ASIC2: variants seen among roughly 807,000 people sequenced by gnomAD.
ASIC2 encodes the protein acid sensing ion channel subunit 2, also known as acid-sensing ion channel 2.
ASIC2 carries 25 observed loss-of-function variants against 57.3 expected under a neutral mutation model. The observed-to-expected ratio is 0.44, with a 90% confidence interval of 0.32 to 0.61. The LOEUF (loss-of-function observed/expected upper bound fraction) is 0.61. Among genes scored for constraint, ASIC2 ranks in the 20% least tolerant of loss-of-function variants. The pLI is 0.06. For synonymous variants in ASIC2, 319 were observed against 307.5 expected, an observed-to-expected ratio of 1.04 and a Z score of -0.39; for missense variants, 641 against 738.1, an observed-to-expected ratio of 0.87 and a Z score of 1.52.
intron 1 of ASIC2, among the ~76,000 whole-genome samples, chr17:34,120,533 T>C (rs952625812): frequency 2.6e-5 from 4 of 151,500 alleles, no homozygotes; most frequent in African/African-American, 9.7e-5. Flanking sequence ...TTTCAGGGGG[T>C]AGGGGAGAAG....
rs561723072 is a variant in ASIC2 at position 33,760,564 on chromosome 17, G to A, written c.555+395414C>T. The stretch of plus-strand genomic sequence containing the variant: ...ATAGATTTATATATAAACAAACATA[G>A]CAAAATTATTTATGTGTATATAAAG... On this transcript the variant is annotated intron_variant, in intron 1 of 9. Coordinates refer to the ASIC2 transcript ENST00000359872. Among the ~76,000 whole-genome samples the A allele has an allele frequency of 9.9e-5, 15 of 151,278 alleles. 1 individual carries two copies. Among genetic ancestry groups the A allele is most frequent in the Admixed American group, 7.9e-4 (12 of 15,196 alleles).
intron 1 of ASIC2, among the ~76,000 whole-genome samples, chr17:33,782,871 TA>T (rs1911497482): frequency 6.6e-6 from 1 of 152,136 alleles, no homozygotes; most frequent in Non-Finnish European, 1.5e-5. Context: ...CCCCTGACCT[TA>T]TCTCCTCCTC....
Position 33,132,740 on chromosome 17 carries a change from G to A in ASIC2, c.709-20673C>T, listed in dbSNP as rs1265554014. On this transcript the variant is annotated intron_variant, in intron 1 of 9. Transcript: ENST00000225823. ...CTTTATGCAGGCATCTTGGTTCCAG[G>A]GCTGTCTCATGTCTGGCCCTTGGAG... Among the ~76,000 whole-genome samples, 3 of 152,150 alleles carry A rather than the reference G, an allele frequency of 2.0e-5. No individual in the cohort carries two copies. The East Asian group carries it at 5.8e-4, about 29-fold the overall frequency.
At chr17:33,260,013 T>C (rs1322044397) in intron 1 of ASIC2, among the ~76,000 whole-genome samples, 2 of 152,114 alleles carry the variant, frequency 1.3e-5, no homozygotes, top group Non-Finnish European at 2.9e-5. Flanking sequence ...TGGTGCACGC[T>C]GGCAGTCCCA....
rs1293383638 is a variant in ASIC2, at chr17:34,039,725, C to T, written c.555+116253G>A. On this transcript the variant is annotated intron_variant, in intron 1 of 9. Coordinates refer to the ASIC2 transcript ENST00000359872. Reference sequence around the variant, plus strand: ...TTCTGCTTTTTCTTGGGAGTCTCTACTTCTTTATCACTCAAGGATCCGACG... The same window carrying T: ...TTCTGCTTTTTCTTGGGAGTCTCTATTTCTTTATCACTCAAGGATCCGACG... 8.1e-6 allele frequency: 13 copies of T among 1,612,500 alleles called. No homozygotes were observed. In the East Asian group the frequency reaches 2.9e-4, roughly 36 times the overall value.
chr17:34,094,404 C>T (rs1036949839), intron 1 of ASIC2, among the ~76,000 whole-genome samples: 2 of 152,196 alleles, frequency 1.3e-5, no homozygotes, highest in Non-Finnish European at 2.9e-5. Context: ...GACCTCACAG[C>T]CAGACAGGCT....
intron 1 of ASIC2, among the ~76,000 whole-genome samples, chr17:33,771,871 G>A (rs945505658): frequency 6.6e-6 from 1 of 152,188 alleles, no homozygotes; most frequent in African/African-American, 2.4e-5. Context: ...CTGTTGGGAT[G>A]GAGATCACTT....
intron 1 of ASIC2, among the ~76,000 whole-genome samples, chr17:33,733,318 T>C (rs145444340): frequency 8.1e-4 from 124 of 152,344 alleles, no homozygotes; most frequent in African/African-American, 2.9e-3. Flanking sequence ...GGGTTCCTAA[T>C]GGTATCTGGT....
intron 1 of ASIC2, among the ~76,000 whole-genome samples, chr17:34,015,085 T>TTTTTA (rs1453003908): frequency 1.3e-5 from 2 of 150,780 alleles, no homozygotes; most frequent in African/African-American, 4.9e-5. Context: ...TTTTTTTTTT[T>TTTTTA]TTTTGTAGAT....
chr17:33,925,759 G>T (rs931685325), intron 1 of ASIC2, among the ~76,000 whole-genome samples: 5 of 152,106 alleles, frequency 3.3e-5, no homozygotes, highest in African/African-American at 1.2e-4. Context: ...ACTTGCCCTG[G>T]CCATTCTTGT....
intron 1 of ASIC2, among the ~76,000 whole-genome samples, chr17:34,034,378 A>G (rs755687630): frequency 8.5e-5 from 13 of 152,224 alleles, no homozygotes; most frequent in Non-Finnish European, 4.4e-5. Flanking sequence ...AATAAGAGCT[A>G]TCTATGACAA....
At chr17:34,097,288 T>C (rs1910580923) in intron 1 of ASIC2, among the ~76,000 whole-genome samples, 1 of 151,748 alleles carries the variant, frequency 6.6e-6, no homozygotes, top group South Asian at 2.1e-4. Context: ...CCTAGCAATA[T>C]ACATCAGAGA....
At chr17:33,865,772 CAAAA>C (rs1156250944) in intron 1 of ASIC2, among the ~76,000 whole-genome samples, 2 of 74,158 alleles carry the variant, frequency 2.7e-5, no homozygotes, top group Admixed American at 1.3e-4. Context: ...AAAAAAAAAA[CAAAA>C]AAAAAAACGT....
At chr17:33,591,466 T>C (rs770225793) in intron 1 of ASIC2, among the ~76,000 whole-genome samples, 1 of 152,156 alleles carries the variant, frequency 6.6e-6, no homozygotes, top group South Asian at 2.1e-4. Context: ...CTTTTCTCAG[T>C]GCAAAGCTGT....
chr17:34,114,245 A>G (rs148855681), intron 1 of ASIC2, among the ~76,000 whole-genome samples: 3 of 152,340 alleles, frequency 2.0e-5, no homozygotes, highest in African/African-American at 7.2e-5. Flanking sequence ...AGGATTAGGA[A>G]AAGTGCTTTA....
chr17:33,207,946 C>A (rs1201784020), intron 1 of ASIC2, among the ~76,000 whole-genome samples: 1 of 152,178 alleles, frequency 6.6e-6, no homozygotes, highest in African/African-American at 2.4e-5. Flanking sequence ...TCTTATTTCC[C>A]TGTTTCCCTA....
intron 1 of ASIC2, among the ~76,000 whole-genome samples, chr17:33,379,228 T>C (rs1302025626): frequency 6.6e-6 from 1 of 152,204 alleles, no homozygotes; most frequent in Non-Finnish European, 1.5e-5. Context: ...TTACTTGCTG[T>C]GTCAGAGACT....
At chr17:33,256,041 C>A (rs1022127463) in intron 1 of ASIC2, among the ~76,000 whole-genome samples, 9 of 152,142 alleles carry the variant, frequency 5.9e-5, no homozygotes, top group Admixed American at 5.2e-4. Flanking sequence ...ATTCATACAT[C>A]ACTATTTATA....
intron 1 of ASIC2, among the ~76,000 whole-genome samples, chr17:33,953,045 C>T (rs1904628272): frequency 6.6e-6 from 1 of 152,008 alleles, no homozygotes; most frequent in South Asian, 2.1e-4. Context: ...ATGGGTTAAA[C>T]AGTAGGTTTC....
Sources: gnomAD v4.1 joint callset for allele counts (sites outside exome capture counted in the v4.1 genomes callset) on GRCh38, gnomAD v4.1.1 for gene constraint, MANE v1.5 for transcripts, NCBI Gene and HGNC (gene_info 2026-07-23, HGNC 2026-07-21) for gene names.